Variants in PDE12 observed in about 807,000 individuals in gnomAD.
PDE12 encodes 2',5'-phosphodiesterase 12.
Under a neutral mutation model 45.4 loss-of-function variants are expected in PDE12, and 26 were observed. That is an observed-to-expected ratio of 0.57 (90% CI 0.42 to 0.79). The LOEUF (loss-of-function observed/expected upper bound fraction) is 0.79. Among genes scored for constraint, PDE12 ranks in the 30% least tolerant of loss-of-function variants. The probability of loss-of-function intolerance (pLI) is 0.00; values close to 1 mark genes in which losing one functional copy is unlikely to be tolerated. For synonymous variants in PDE12, 283 were observed against 323.9 expected (o/e 0.87, Z 1.36); for missense variants, 668 against 790.0 (o/e 0.85, Z 1.85).
In PDE12 at chr3:57,556,621, A is replaced by G. The variant is rs148204945; in HGVS notation, c.242A>G (p.Asn81Ser). The change falls in exon 1 of 3, where the codon AAT (asparagine) becomes AGT (serine). Residue 81 changes from asparagine to serine, a missense_variant. Transcript: ENST00000311180. This position sits in a 1 kb window ranked among gnomAD's most constrained non-coding sequence, Gnocchi z 5.0. ...LGRVLSRIAT[N>S]ALKGHAKAAA... ...CGAGTCCTCAGCCGCATCGCTACCA[A>G]TGCCCTAAAGGGTCACGCTAAGGCG... The G allele has an allele frequency of 1.1e-4, 185 of 1,611,532 alleles. 1 individual carries two copies. Among genetic ancestry groups the G allele is most frequent in the Non-Finnish European group, 1.5e-4 (173 of 1,178,722 alleles).
chr3:57,618,035 G>A, the PDE12 span, among the ~76,000 whole-genome samples: 1 of 152,134 alleles, frequency 6.6e-6, no homozygotes, highest in Non-Finnish European at 1.5e-5. Context: ...TGCAGAAACA[G>A]AAAACCAAAT....
At chr3:57,628,634 T>A in the PDE12 span, among the ~76,000 whole-genome samples, 1 of 152,246 alleles carries the variant, frequency 6.6e-6, no homozygotes, top group Non-Finnish European at 1.5e-5. Flanking sequence ...TATGGCATCA[T>A]TATGGTCTGT....
the PDE12 span, chr3:57,572,269 T>C: frequency 7.4e-6 from 12 of 1,613,960 alleles, no homozygotes; most frequent in African/African-American, 1.3e-4. Flanking sequence ...GACCAGTTCC[T>C]TGTGTTGCAC....
At chr3:57,631,474 G>A in the PDE12 span, among the ~76,000 whole-genome samples, 96 of 152,092 alleles carry the variant, frequency 6.3e-4, 3 homozygotes, top group Non-Finnish European at 4.4e-5. Context: ...GATTACAGGC[G>A]TGAACTACCG....
the PDE12 span, among the ~76,000 whole-genome samples, chr3:57,602,050 T>C: frequency 6.6e-6 from 1 of 152,052 alleles, no homozygotes; most frequent in Non-Finnish European, 1.5e-5. Flanking sequence ...CCACCATGCA[T>C]GGCCTGCCTT....
chr3:57,614,537 G>GT, the PDE12 span, among the ~76,000 whole-genome samples: 1,070 of 94,882 alleles, frequency 0.011, 28 homozygotes, highest in East Asian at 0.036. Context: ...TTTTTTTTTT[G>GT]TTTTTTGTTT....
chr3:57,586,928 C>T, the PDE12 span, among the ~76,000 whole-genome samples: 2 of 151,980 alleles, frequency 1.3e-5, no homozygotes, highest in South Asian at 2.1e-4. Context: ...GAAACTGAGA[C>T]GCTGATTAAG....
the PDE12 span, chr3:57,572,163 C>G: frequency 1.4e-6 from 2 of 1,479,186 alleles, no homozygotes; most frequent in African/African-American, 1.4e-5. Context: ...TTGTAACAAG[C>G]CTAGACCAAT....
chr3:57,591,459 CTCTTT>C, the PDE12 span, among the ~76,000 whole-genome samples: 19 of 149,500 alleles, frequency 1.3e-4, no homozygotes, highest in South Asian at 8.5e-4. Flanking sequence ...CTTTTTTCTT[CTCTTT>C]TCTTTTCTTT....
At chr3:57,641,724 G>C in the PDE12 span, 1 of 1,613,100 alleles carries the variant, frequency 6.2e-7, no homozygotes, top group South Asian at 1.1e-5. Flanking sequence ...AAAAGGGTTG[G>C]TTACTCCTAA....
At chr3:57,610,071 T>C in the PDE12 span, among the ~76,000 whole-genome samples, 1 of 152,188 alleles carries the variant, frequency 6.6e-6, no homozygotes, top group South Asian at 2.1e-4. Context: ...GATGCAAGGC[T>C]GGTTCAACAT....
chr3:57,619,018 T>G, the PDE12 span, among the ~76,000 whole-genome samples: 1 of 152,190 alleles, frequency 6.6e-6, no homozygotes, highest in Non-Finnish European at 1.5e-5. Context: ...ATTAAATACA[T>G]TTGTCAAATA....
chr3:57,641,878 A>C, the PDE12 span: 2 of 621,072 alleles, frequency 3.2e-6, no homozygotes, highest in Non-Finnish European at 5.3e-6. Context: ...AACACATTAC[A>C]TATCAACTAC....
the PDE12 span, among the ~76,000 whole-genome samples, chr3:57,587,643 C>T: frequency 2.0e-5 from 3 of 151,704 alleles, no homozygotes; most frequent in East Asian, 1.9e-4. Context: ...TTTTTGAAGA[C>T]GACTGCTTGA....
chr3:57,588,744 C>G, the PDE12 span, among the ~76,000 whole-genome samples: 1 of 140,830 alleles, frequency 7.1e-6, no homozygotes, highest in African/African-American at 2.7e-5. Flanking sequence ...ATGACCTGAG[C>G]TCAGGAGTTT....
rs764381715 is a variant in PDE12 at position 57,557,207 on chromosome 3, C to G, written c.828C>G (p.Thr276=). Residue 276 remains threonine (T), a synonymous_variant, in exon 1 of 3, where the codon ACC becomes ACG. Transcript: ENST00000311180. ...GTGTGGTAGAGGCTGGGCCTGGCAC[C>G]TGCACTTTTGACCACCGGCATCTCT... ...SVCVVEAGPG[T]CTFDHRHLYT... 1.2e-6 allele frequency: 2 copies of G among 1,603,620 alleles called. No homozygotes were observed. The highest frequency in any genetic ancestry group is 1.7e-6 in the Non-Finnish European group (2 of 1,175,768).
the PDE12 span, among the ~76,000 whole-genome samples, chr3:57,655,509 A>G: frequency 6.6e-6 from 1 of 152,232 alleles, no homozygotes; most frequent in African/African-American, 2.4e-5. Context: ...TCCCAAATCC[A>G]AAAGGTTTTG....
chr3:57,589,674 C>T, the PDE12 span, among the ~76,000 whole-genome samples: 8 of 149,972 alleles, frequency 5.3e-5, no homozygotes, highest in East Asian at 2.0e-4. Context: ...GCCCATACCG[C>T]GCCACGGCAC....
the PDE12 span, among the ~76,000 whole-genome samples, chr3:57,581,757 G>A: frequency 3.3e-5 from 5 of 152,168 alleles, no homozygotes; most frequent in Admixed American, 6.5e-5. Context: ...CCAAGATTGC[G>A]CCATAGCCTG....
Sources: allele counts gnomAD v4.1 joint callset (sites outside exome capture counted in the v4.1 genomes callset), GRCh38; gene constraint gnomAD v4.1.1; non-coding constraint Gnocchi (gnomAD v3.1); transcripts MANE v1.5; gene names NCBI Gene and HGNC (gene_info 2026-07-23, HGNC 2026-07-21).